Variants in AHNAK observed in about 807,000 individuals in gnomAD.
The protein encoded by AHNAK is AHNAK nucleoprotein.
AHNAK carries 23 observed loss-of-function variants against 37.8 expected under a neutral mutation model. The ratio of observed to expected loss-of-function variants is 0.61; its 90% CI spans 0.44 to 0.86. The LOEUF is 0.86. Among genes scored for constraint, AHNAK ranks in the 40% least tolerant of loss-of-function variants. AHNAK has a pLI of 0.00. For missense variants in AHNAK, 7,411 were observed against 7,319.4 expected, an observed-to-expected ratio of 1.01 and a Z score of -0.46; for synonymous variants, 2,481 against 2,636.3, an observed-to-expected ratio of 0.94 and a Z score of 1.80.
At chr11:62,477,478 T>C (rs1939174817) in intron 5 of AHNAK, among the ~76,000 whole-genome samples, 1 of 152,104 alleles carries the variant, frequency 6.6e-6, no homozygotes, top group Non-Finnish European at 1.5e-5. Context: ...TGTACCTATG[T>C]AGCAAACATT....
chr11:62,492,700 C>T (rs1237024437), intron 4 of AHNAK, among the ~76,000 whole-genome samples: 1 of 151,834 alleles, frequency 6.6e-6, no homozygotes, highest in African/African-American at 2.4e-5. Flanking sequence ...GAGACCCCCA[C>T]CTCTACAAAA....
chr11:62,498,425 A>ATGGTG (rs1351711578), intron 4 of AHNAK, among the ~76,000 whole-genome samples: 60 of 137,902 alleles, frequency 4.4e-4, no homozygotes, highest in African/African-American at 1.6e-3. Flanking sequence ...ATTACACTAT[A>ATGGTG]TAGTGTAATT....
At position 62,520,437 on chromosome 11, in the gene AHNAK, G is replaced by A; in HGVS notation, c.13980C>T (p.Phe4660=). ...LKMPKVKMPK[F]SMPGFKGEGP... The stretch of plus-strand genomic sequence containing the variant: ...CCTCTCCTTTGAAGCCAGGCATGCT[G>A]AACTTGGGCATTTTCACTTTGGGCA... Residue 4660 remains phenylalanine, a synonymous_variant, in exon 5 of 5, where the codon TTC becomes TTT. Transcript: ENST00000378024. The A allele has an allele frequency of 6.2e-7, 1 of 1,614,006 alleles. No individual in the cohort carries two copies. The highest frequency in any genetic ancestry group is 8.5e-7 in the Non-Finnish European group (1 of 1,180,022).
At chr11:62,504,222 AAGAG>A (rs1210416389) in intron 4 of AHNAK, among the ~76,000 whole-genome samples, 1 of 152,024 alleles carries the variant, frequency 6.6e-6, no homozygotes, top group Non-Finnish European at 1.5e-5. Flanking sequence ...GAGAGAAAGA[AAGAG>A]AGTCTTAGAT....
chr11:62,445,345 C>T (rs953441862), intron 5 of AHNAK, among the ~76,000 whole-genome samples: 2 of 152,134 alleles, frequency 1.3e-5, no homozygotes, highest in African/African-American at 4.8e-5. Context: ...AAGCCTCCTA[C>T]GTAAGTACAC....
rs201808161 is a variant in AHNAK at position 62,527,798 on chromosome 11, G to A, written c.6619C>T (p.Pro2207Ser). 1.2e-6 allele frequency: 2 copies of A among 1,613,284 alleles called. No homozygotes were observed. Among genetic ancestry groups the A allele is most frequent in the East Asian group, 4.5e-5 (2 of 44,780 alleles). Residue 2207 changes from proline (P) to serine (S), a missense_variant, in exon 5 of 5, where the codon CCC becomes TCC. By Grantham distance (74) the Pro-to-Ser change is moderately conservative (BLOSUM62 -1). Coordinates refer to ENST00000378024, the MANE Select transcript of AHNAK (RefSeq NM_001620.3). Reference protein sequence around the residue: ...KVKGDMDVSVPKVEGEMKVPD... With the variant: ...KVKGDMDVSVSKVEGEMKVPD... ...ACTTTCATTTCACCTTCTACCTTGG[G>A]AACAGACACATCCATATCCCCTTTG... is the stretch of plus-strand genomic sequence containing the variant.
intron 5 of AHNAK, among the ~76,000 whole-genome samples, chr11:62,452,761 G>A (rs187506053): frequency 2.0e-5 from 3 of 152,126 alleles, no homozygotes; most frequent in African/African-American, 4.8e-5. Flanking sequence ...GTGGCTTACC[G>A]CACCTGTAAT....
intron 5 of AHNAK, among the ~76,000 whole-genome samples, chr11:62,450,899 A>G (rs534206450): frequency 1.3e-5 from 2 of 152,326 alleles, no homozygotes; most frequent in South Asian, 2.1e-4. Flanking sequence ...GTGGGTGGCA[A>G]GCTCAGTTCA....
chr11:62,491,143 ACAGGC>A (rs989055902), intron 5 of AHNAK, among the ~76,000 whole-genome samples: 1 of 152,128 alleles, frequency 6.6e-6, no homozygotes, highest in Admixed American at 6.5e-5. Flanking sequence ...TCATTTTGGT[ACAGGC>A]CAGAAACATG....
intron 5 of AHNAK, among the ~76,000 whole-genome samples, chr11:62,457,908 A>ATTTTTTTTT (rs373610508): frequency 8.1e-6 from 1 of 123,516 alleles, no homozygotes; most frequent in Non-Finnish European, 1.7e-5. Flanking sequence ...GAGAAGCTGA[A>ATTTTTTTTT]TTTTTTTTTT....
intron 5 of AHNAK, among the ~76,000 whole-genome samples, chr11:62,476,102 A>T (rs1426199924): frequency 6.6e-6 from 1 of 152,204 alleles, no homozygotes; most frequent in Non-Finnish European, 1.5e-5. Context: ...CGGCCCAGGA[A>T]CCGCTAATGA....
chr11:62,522,745 A>G lies in AHNAK; in HGVS notation c.11672T>C (p.Met3891Thr). 1.2e-6 allele frequency: 2 copies of G among 1,613,204 alleles called. No homozygotes were observed. Among genetic ancestry groups the G allele is most frequent in the Non-Finnish European group, 1.7e-6 (2 of 1,179,864 alleles). Residue 3891 changes from methionine (M) to threonine (T), a missense_variant, in exon 5 of 5, where the codon ATG becomes ACG. Transcript: ENST00000378024. Reference protein sequence around the residue: ...NLKGPKVKGDMDVSLPKVEGD... With the variant: ...NLKGPKVKGDTDVSLPKVEGD... ...TTCCACTTTTGGCAGAGACACATCC[A>G]TATCACCCTTCACTTTGGGTCCTTT...
In AHNAK at chr11:62,524,027, C is replaced by T; in HGVS notation, c.10390G>A (p.Asp3464Asn). 2 of 1,614,146 alleles carry T rather than the reference C, an allele frequency of 1.2e-6. No individual in the cohort carries two copies. The highest frequency in any genetic ancestry group is 2.2e-5 in the East Asian group (1 of 44,886). The change falls in exon 5 of 5, where the codon GAT becomes AAT. Residue 3464 changes from aspartate (D) to asparagine (N), a missense_variant. Asp to Asn is a conservative substitution (Grantham distance 23, BLOSUM62 1). Transcript: ENST00000378024. ...PEVNLNAPDV[D>N]VHGPDWNLKM... is the part of the protein sequence containing the mutation. ...AGATTCCAGTCTGGACCATGAACAT[C>T]CACATCAGGTGCATTAAGATTGACT...
chr11:62,465,469 T>C (rs1327807843), intron 5 of AHNAK, among the ~76,000 whole-genome samples: 1 of 151,766 alleles, frequency 6.6e-6, no homozygotes, highest in East Asian at 1.9e-4. Context: ...AAAAATTAGC[T>C]GGGCGTTGTG....
At chr11:62,497,154 T>A (rs1939626255) in intron 4 of AHNAK, among the ~76,000 whole-genome samples, 1 of 152,144 alleles carries the variant, frequency 6.6e-6, no homozygotes, top group South Asian at 2.1e-4. Context: ...GGGCCTGATA[T>A]CATCAAAGCC....
rs1337180307 is a variant in AHNAK, at chr11:62,523,647, A to T, written c.10770T>A (p.Asp3590Glu). The change falls in exon 5 of 5, where the codon GAT becomes GAA. Residue 3590 changes from aspartate (D) to glutamate (E), a missense_variant. Physicochemically the swap from Asp to Glu is conservative, Grantham distance 45. Transcript: ENST00000378024. ...GCCAGTCTGGACCATGAACATCCAC[A>T]TCTGGGGCATTGATGTCCACTTTAG... is the stretch of plus-strand genomic sequence containing the variant. Reference protein sequence around the residue: ...KGPKVDINAPDVDVHGPDWHL... With the variant: ...KGPKVDINAPEVDVHGPDWHL... 6.2e-7 allele frequency: 1 copy of T among 1,613,900 alleles called. No individual in the cohort carries two copies. The highest frequency in any genetic ancestry group is 1.7e-5 in the Admixed American group (1 of 60,000).
intron 5 of AHNAK, among the ~76,000 whole-genome samples, chr11:62,485,845 T>A (rs1480454372): frequency 1.3e-5 from 2 of 150,098 alleles, no homozygotes; most frequent in Non-Finnish European, 3.0e-5. Context: ...AGTGAAATCC[T>A]CATCTCTGCT....
Position 62,524,669 on chromosome 11 carries a change from C to A in AHNAK, c.9748G>T (p.Gly3250Ter). 6.2e-7 allele frequency: 1 copy of A among 1,614,210 alleles called. No homozygotes were observed. Among genetic ancestry groups the A allele is most frequent in the Non-Finnish European group, 8.5e-7 (1 of 1,180,040 alleles). The change falls in exon 5 of 5, where the codon GGA (glycine) becomes TGA (stop). Residue 3250 changes from glycine to a stop codon, truncating the protein, a stop_gained. Transcript: ENST00000378024. LOFTEE classifies it low-confidence loss of function (END_TRUNC). ...SLANVEGDLK[G>*]PALDIKGPKI... ...GGGCCTTTTATGTCAAGAGCAGGTC[C>A]TTTCAAATCACCTTCTACATTTGCA...
chr11:62,491,524 A>G (rs1939504197), intron 5 of AHNAK, among the ~76,000 whole-genome samples: 1 of 152,118 alleles, frequency 6.6e-6, no homozygotes, highest in African/African-American at 2.4e-5. Context: ...TAGTAAGTGC[A>G]TTTCCTATGG....
Sources: gnomAD v4.1 joint callset for allele counts (sites outside exome capture counted in the v4.1 genomes callset) on GRCh38, gnomAD v4.1.1 for gene constraint, MANE v1.5 for transcripts, NCBI Gene and HGNC (gene_info 2026-07-23, HGNC 2026-07-21) for gene names.